NYAP2: variants seen among roughly 807,000 people sequenced by gnomAD.
NYAP2 encodes the protein neuronal tyrosine-phosphorylated phosphoinositide-3-kinase adapter 2.
NYAP2 carries 23 observed loss-of-function variants against 50.4 expected under a neutral mutation model. The ratio of observed to expected loss-of-function variants is 0.46; its 90% CI spans 0.33 to 0.65. The LOEUF is 0.65. Among genes scored for constraint, NYAP2 ranks in the 30% least tolerant of loss-of-function variants. The pLI is 0.02. For missense variants in NYAP2, 885 were observed against 861.0 expected (o/e 1.03, Z -0.35); for synonymous variants, 394 against 365.2 (o/e 1.08, Z -0.90).
chr2:225,540,270 A>G (rs1475494971), intron 4 of NYAP2, among the ~76,000 whole-genome samples: 1 of 152,126 alleles, frequency 6.6e-6, no homozygotes, highest in Non-Finnish European at 1.5e-5. Context: ...GCCCTACTCT[A>G]CTAGAACCAA....
chr2:225,684,941 T>C, the NYAP2 span, among the ~76,000 whole-genome samples: 17 of 152,272 alleles, frequency 1.1e-4, no homozygotes, highest in Non-Finnish European at 2.2e-4. Flanking sequence ...GAGGCCAAGA[T>C]AAGTGACATG....
chr2:225,695,951 C>A, the NYAP2 span, among the ~76,000 whole-genome samples: 5 of 151,884 alleles, frequency 3.3e-5, no homozygotes, highest in African/African-American at 7.2e-5. Flanking sequence ...AGATATTTAT[C>A]TGAGAGTATC....
intron 4 of NYAP2, among the ~76,000 whole-genome samples, chr2:225,545,147 T>C (rs1691550808): frequency 6.6e-6 from 1 of 152,164 alleles, no homozygotes; most frequent in South Asian, 2.1e-4. Context: ...GAAGTTCGCT[T>C]TTAAATGCCA....
chr2:225,651,539 C>T lies in NYAP2; in HGVS notation c.1936C>T (p.Pro646Ser). ...CAGTGACCTGCAACAGAGCCAGGTA[C>T]CATCATCGTTAGCCAATCGTGATTG... is the stretch of plus-strand genomic sequence containing the variant. The change falls in exon 7 of 7, where the codon CCA (proline) becomes TCA (serine). Residue 646 changes from proline to serine, a missense_variant. By Grantham distance (74) the Pro-to-Ser change is moderately conservative. Transcript: ENST00000636099. The T allele has an allele frequency of 6.2e-7, 1 of 1,614,010 alleles. No homozygotes were observed. The highest frequency in any genetic ancestry group is 1.1e-5 in the South Asian group (1 of 91,076).
intron 3 of NYAP2, among the ~76,000 whole-genome samples, chr2:225,459,923 C>T (rs538741468): frequency 1.2e-4 from 18 of 152,278 alleles, no homozygotes; most frequent in South Asian, 6.2e-4. Context: ...CTGCCCACCT[C>T]GGCCTCCCAA....
intron 4 of NYAP2, 111 bp from the exon 5 acceptor site, chr2:225,581,830 A>G: frequency 2.0e-6 from 2 of 996,102 alleles, no homozygotes; most frequent in African/African-American, 1.6e-5. Flanking sequence ...CTAAGAATGA[A>G]GCTGTCTACC....
At chr2:225,588,256 A>G (rs1206761249) in intron 5 of NYAP2, among the ~76,000 whole-genome samples, 1 of 152,126 alleles carries the variant, frequency 6.6e-6, no homozygotes, top group African/African-American at 2.4e-5. Flanking sequence ...GTCATAGTAT[A>G]TTTTTAAAAT....
intron 5 of NYAP2, among the ~76,000 whole-genome samples, chr2:225,621,975 G>A (rs1476382886): frequency 6.6e-6 from 1 of 152,160 alleles, no homozygotes. Flanking sequence ...TGTCCTTTGT[G>A]AATAATGCTA....
At chr2:225,497,368 T>C (rs1690525139) in intron 3 of NYAP2, among the ~76,000 whole-genome samples, 1 of 152,190 alleles carries the variant, frequency 6.6e-6, no homozygotes, top group Admixed American at 6.5e-5. Context: ...GGCTCTTAAG[T>C]AGCGTCTTTA....
intron 3 of NYAP2, among the ~76,000 whole-genome samples, chr2:225,493,703 T>C (rs1439541077): frequency 6.6e-6 from 1 of 152,218 alleles, no homozygotes; most frequent in East Asian, 1.9e-4. Context: ...ATGTAGTTCA[T>C]ACCATGTCAC....
At position 225,449,601 on chromosome 2, in the gene NYAP2, C is replaced by CTTT. The variant is rs201552006; in HGVS notation, c.221+40523_221+40525dup. The stretch of plus-strand genomic sequence containing the variant: ...ACCAGATCTCTCTCTCTCTCTTTCT[C>CTTT]TTTTTTTTTTTTTTTTTTTTTTTTT... On this transcript the variant is annotated intron_variant, in intron 3 of 6. Transcript: ENST00000636099. Among the ~76,000 whole-genome samples the CTTT allele has an allele frequency of 3.3e-3, 314 of 96,284 alleles. 1 individual carries two copies. The highest frequency in any genetic ancestry group is 3.8e-3 in the African/African-American group (86 of 22,818). The allele number at this position is 96,284 out of a possible 152,430, so 63.2% of individuals were successfully genotyped here.
chr2:225,410,823 C>A (rs1168558609), intron 3 of NYAP2, among the ~76,000 whole-genome samples: 2 of 152,044 alleles, frequency 1.3e-5, no homozygotes, highest in African/African-American at 4.8e-5. Context: ...AGGGGCATAA[C>A]CTCAGAGGAC....
chr2:225,582,946 C>T lies in NYAP2; in HGVS notation c.1529C>T (p.Pro510Leu). 1 of 1,612,576 alleles carries T rather than the reference C, an allele frequency of 6.2e-7. No homozygotes were observed. The highest frequency in any genetic ancestry group is 8.5e-7 in the Non-Finnish European group (1 of 1,179,748). Reference sequence around the variant, plus strand: ...TCCCGGTCCCGGACACCCACGAGCCCGCTGGAGGAGCTGACCAGCCTCTTC... The same window carrying T: ...TCCCGGTCCCGGACACCCACGAGCCTGCTGGAGGAGCTGACCAGCCTCTTC... Residue 510 changes from proline to leucine, a missense_variant, in exon 5 of 7, where the codon CCG (proline) becomes CTG (leucine). Physicochemically the swap from Pro to Leu is moderately conservative, Grantham distance 98. Transcript: ENST00000636099. This position sits in a 1 kb window ranked among gnomAD's most constrained non-coding sequence, Gnocchi z 7.0.
In NYAP2 at chr2:225,582,930, C is replaced by T. The variant is rs1223762162; in HGVS notation, c.1513C>T (p.Arg505Trp). The change falls in exon 5 of 7, where the codon CGG (arginine) becomes TGG (tryptophan). Residue 505 changes from arginine to tryptophan, a missense_variant. By Grantham distance (101) the Arg-to-Trp change is moderately radical (BLOSUM62 -3). Coordinates refer to ENST00000636099, the Ensembl canonical transcript of NYAP2. The surrounding 1 kb of genome is among the most constrained non-coding windows in gnomAD (Gnocchi z 7.0). ...GGCAGCCCCGGGTGGCTCCCGGTCC[C>T]GGACACCCACGAGCCCGCTGGAGGA... 2.5e-6 allele frequency: 4 copies of T among 1,612,676 alleles called. No individual in the cohort carries two copies. The highest frequency in any genetic ancestry group is 3.4e-6 in the Non-Finnish European group (4 of 1,179,812).
At chr2:225,567,476 G>T (rs1435983902) in intron 4 of NYAP2, among the ~76,000 whole-genome samples, 2 of 152,116 alleles carry the variant, frequency 1.3e-5, no homozygotes, top group Admixed American at 6.5e-5. Context: ...TGTACAGTTT[G>T]CTGGGACTTT....
intron 3 of NYAP2, among the ~76,000 whole-genome samples, chr2:225,429,490 T>G (rs909011661): frequency 3.3e-5 from 5 of 152,216 alleles, no homozygotes; most frequent in African/African-American, 9.6e-5. Flanking sequence ...ATGGGAATAT[T>G]TTGAAGAACA....
intron 5 of NYAP2, among the ~76,000 whole-genome samples, chr2:225,585,186 A>G (rs865825017): frequency 2.6e-5 from 4 of 152,240 alleles, no homozygotes; most frequent in African/African-American, 9.6e-5. Flanking sequence ...AGATCAAATA[A>G]GGTATTTAGA....
At chr2:225,637,654 T>C (rs766928339) in intron 6 of NYAP2, among the ~76,000 whole-genome samples, 4 of 152,106 alleles carry the variant, frequency 2.6e-5, no homozygotes, top group Admixed American at 6.6e-5. Context: ...CCTTGGAGGG[T>C]ACTGTAAGCT....
intron 3 of NYAP2, among the ~76,000 whole-genome samples, chr2:225,459,666 T>C (rs1689793536): frequency 2.6e-5 from 4 of 151,974 alleles, no homozygotes; most frequent in Non-Finnish European, 4.4e-5. Flanking sequence ...TTTTTTGAGA[T>C]GGTGTCTCGC....
Sources: allele counts gnomAD v4.1 joint callset (sites outside exome capture counted in the v4.1 genomes callset), GRCh38; gene constraint gnomAD v4.1.1; non-coding constraint Gnocchi (gnomAD v3.1); transcripts MANE v1.5; gene names NCBI Gene and HGNC (gene_info 2026-07-23, HGNC 2026-07-21).